The following TMEM31 variants were observed in gnomAD, a reference collection of about 807,000 sequenced individuals.
The protein encoded by TMEM31 is transmembrane protein 31.
Under a neutral mutation model 2.4 loss-of-function variants are expected in TMEM31, and 1 was observed. The observed-to-expected ratio is 0.42, with a 90% confidence interval of 0.15 to 1.97. TMEM31 has a LOEUF of 1.97. Among genes scored for constraint, TMEM31 ranks in the 30% most tolerant of loss-of-function variants. TMEM31 has a pLI of 0.30. For synonymous variants in TMEM31, 47 were observed against 45.8 expected (o/e 1.03, Z -0.10); for missense variants, 119 against 121.3 (o/e 0.98, Z 0.09).
At chrX:103,711,939 C>T (rs1393253716) in intron 1 of TMEM31, among the ~76,000 whole-genome samples, 1 of 111,660 alleles carries the variant, frequency 9.0e-6, no homozygotes, top group East Asian at 2.8e-4. Context: ...GCATTGTTTC[C>T]CATCCCCCAG....
chrX:103,713,488 A>G (rs2074232628), intron 2 of TMEM31, 106 bp from the exon 3 acceptor site: 2 of 1,194,739 alleles, frequency 1.7e-6, no homozygotes, highest in Non-Finnish European at 2.3e-6. Context: ...CCAAAGGAGA[A>G]AGGCAGTGGG....
At chrX:103,712,571 G>A (rs750716130) in intron 2 of TMEM31, among the ~76,000 whole-genome samples, 25 of 111,851 alleles carry the variant, frequency 2.2e-4, no homozygotes, top group Non-Finnish European at 4.1e-4. Flanking sequence ...TTGAGATGGA[G>A]TCTCACTCTG....
chrX:103,711,481 CT>C (rs1362422582), intron 1 of TMEM31, among the ~76,000 whole-genome samples: 10 of 66,671 alleles, frequency 1.5e-4, no homozygotes, highest in Non-Finnish European at 1.9e-4. Context: ...GAGACTCCGT[CT>C]CAAAAAAAAA....
In TMEM31 at chrX:103,713,774, C is replaced by G; in HGVS notation, c.283C>G (p.Pro95Ala). 8.3e-7 allele frequency: 1 copy of G among 1,211,411 alleles called. No homozygotes were observed. The change falls in exon 3 of 3, where the codon CCT (proline) becomes GCT (alanine). Residue 95 changes from proline (P) to alanine (A), a missense_variant. Coordinates refer to ENST00000319560, the MANE Select transcript of TMEM31 (RefSeq NM_182541.2). ...ATTGCCTGCTCTTTTTGAGCTTTAT[C>G]CTGAATTTCTTCTGGTGTTTAAAGA... Reference protein sequence around the residue: ...YRLPALFELYPEFLLVFKEAF... With the variant: ...YRLPALFELYAEFLLVFKEAF...
chrX:103,713,413 A>G (rs2074232370), intron 2 of TMEM31, 181 bp from the exon 3 acceptor site: 3 of 897,852 alleles, frequency 3.3e-6, no homozygotes, highest in South Asian at 4.7e-5. Context: ...CTGATTGCCT[A>G]TCTAGTCCTT....
chrX:103,713,564 T>C, intron 2 of TMEM31, 30 bp from the exon 3 acceptor site: 3 of 1,211,825 alleles, frequency 2.5e-6, no homozygotes, highest in African/African-American at 1.7e-5. Context: ...ATGAATTCTT[T>C]ATGCTGACGA....
chrX:103,713,588 TGGCAGCATACTCCAGCAA>T lies in TMEM31; in HGVS notation c.104_121del (p.His35_Gln40del). ...TTATGCTGACGAGAAACAAAATTTA[TGGCAGCATACTCCAGCAA>T]GGCAGCGAACACAAAGAGCAGACAC... On this transcript the variant is annotated splice_acceptor_variant and splice_polypyrimidine_tract_variant and coding_sequence_variant and intron_variant, in exon 3 of 3. Transcript: ENST00000319560. LOFTEE classifies it high-confidence loss of function. 8.3e-7 allele frequency: 1 copy of T among 1,211,929 alleles called. No homozygotes were observed. The highest frequency in any genetic ancestry group is 1.7e-5 in the African/African-American group (1 of 57,786).
At chrX:103,713,120 T>C (rs1323805513) in intron 2 of TMEM31, among the ~76,000 whole-genome samples, 1 of 110,019 alleles carries the variant, frequency 9.1e-6, no homozygotes, top group Non-Finnish European at 1.9e-5. Context: ...GAAGGAGTTT[T>C]GCTCTTGTTG....
Position 103,713,692 on chromosome X carries a change from G to A in TMEM31, c.201G>A (p.Thr67=), listed in dbSNP as rs750392195. The change falls in exon 3 of 3, where the codon ACG becomes ACA. Residue 67 remains threonine, a synonymous_variant. Coordinates refer to ENST00000319560, the MANE Select transcript of TMEM31 (RefSeq NM_182541.2). ...RRTPTTSSDR[T]INLLEVLPWP... is the part of the protein sequence containing the mutation. ...CACCTACAACATCCAGCGACAGAAC[G>A]ATCAACCTTCTTGAAGTCCTTCCGT... 2.1e-5 allele frequency: 25 copies of A among 1,210,355 alleles called. No individual in the cohort carries two copies. Among genetic ancestry groups the A allele is most frequent in the Non-Finnish European group, 2.8e-5 (25 of 895,385 alleles).
chrX:103,711,526 T>C (rs1330613275), intron 1 of TMEM31, among the ~76,000 whole-genome samples: 2 of 111,496 alleles, frequency 1.8e-5, no homozygotes. Context: ...AGTGTCCTTT[T>C]TTCTTGCCCT....
chrX:103,712,756 C>T (rs1603209384), intron 2 of TMEM31, among the ~76,000 whole-genome samples: 1 of 111,745 alleles, frequency 8.9e-6, no homozygotes, highest in East Asian at 2.8e-4. Context: ...GTCTCGAACT[C>T]CTAACCTTGT....
At chrX:103,711,302 G>T (rs980944389) in intron 1 of TMEM31, among the ~76,000 whole-genome samples, 1 of 110,088 alleles carries the variant, frequency 9.1e-6, no homozygotes, top group Admixed American at 9.6e-5. Flanking sequence ...GGCTAACACG[G>T]TGAAACCCTG....
rs2074234837 is a variant in TMEM31 at position 103,713,907 on chromosome X, T to C, written c.416T>C (p.Phe139Ser). ...ALSTLYFYKF[F>S]LPTILSLSFF... The stretch of plus-strand genomic sequence containing the variant: ...TCCACCCTCTACTTCTACAAGTTTT[T>C]CCTTCCTACAATTCTTTCCCTTTCT... Residue 139 changes from phenylalanine to serine, a missense_variant, in exon 3 of 3, where the codon TTC becomes TCC. Physicochemically the swap from Phe to Ser is radical, Grantham distance 155 (BLOSUM62 -2). Transcript: ENST00000319560. 1 of 1,212,140 alleles carries C rather than the reference T, an allele frequency of 8.2e-7. No homozygotes were observed. Among genetic ancestry groups the C allele is most frequent in the Non-Finnish European group, 1.1e-6 (1 of 895,591 alleles).
rs1291516253 is a variant in TMEM31, at chrX:103,713,917, A to G, written c.426A>G (p.Thr142=). Residue 142 remains threonine (T), a synonymous_variant, in exon 3 of 3, where the codon ACA becomes ACG. Coordinates refer to ENST00000319560, the MANE Select transcript of TMEM31 (RefSeq NM_182541.2). ...ACTTCTACAAGTTTTTCCTTCCTAC[A>G]ATTCTTTCCCTTTCTTTCTTTATTC... The part of the protein sequence containing the change: ...TLYFYKFFLP[T]ILSLSFFILL... The G allele has an allele frequency of 8.3e-7, 1 of 1,210,639 alleles. No individual in the cohort carries two copies.
chrX:103,712,901 C>T (rs903582709), intron 2 of TMEM31, among the ~76,000 whole-genome samples: 3 of 112,057 alleles, frequency 2.7e-5, no homozygotes, highest in Non-Finnish European at 5.6e-5. Flanking sequence ...TATTCTATGT[C>T]AAGCAGTGTG....
rs773732311 is a variant in TMEM31, at chrX:103,713,539, C to T, written c.103-55C>T. On this transcript the variant is annotated intron_variant, in intron 2 of 2. Coordinates refer to ENST00000319560, the MANE Select transcript of TMEM31 (RefSeq NM_182541.2). ...ACTCACCAAGCGTTGGCGCCTCTGC[C>T]TTCTTCGAAGTCGTATGAATTCTTT... The T allele has an allele frequency of 3.3e-6, 4 of 1,209,847 alleles. No individual in the cohort carries two copies. The African/African-American group carries it at 7.0e-5, about 21-fold the overall frequency.
chrX:103,711,501 GA>G (rs1286104998), intron 1 of TMEM31, among the ~76,000 whole-genome samples: 1 of 100,401 alleles, frequency 1.0e-5, no homozygotes, highest in Non-Finnish European at 2.0e-5. Context: ...AAAAAAAAAA[GA>G]AAAAAGAAAA....
In TMEM31 at chrX:103,713,693, A is replaced by G; in HGVS notation, c.202A>G (p.Ile68Val). ...RTPTTSSDRTINLLEVLPWPT... is the reference protein window; with the variant it reads ...RTPTTSSDRTVNLLEVLPWPT... ...ACCTACAACATCCAGCGACAGAACG[A>G]TCAACCTTCTTGAAGTCCTTCCGTG... Residue 68 changes from isoleucine to valine, a missense_variant, in exon 3 of 3, where the codon ATC becomes GTC. Ile to Val is a conservative substitution (Grantham distance 29, BLOSUM62 3). Transcript: ENST00000319560. The G allele has an allele frequency of 8.3e-7, 1 of 1,211,996 alleles. No homozygotes were observed.
chrX:103,711,555 A>G (rs1287326397), intron 1 of TMEM31, among the ~76,000 whole-genome samples: 1 of 111,468 alleles, frequency 9.0e-6, no homozygotes, highest in Non-Finnish European at 1.9e-5. Flanking sequence ...GTGTATACAC[A>G]TATTTTTCTA....
Sources: gnomAD v4.1 joint callset for allele counts (sites outside exome capture counted in the v4.1 genomes callset) on GRCh38, gnomAD v4.1.1 for gene constraint, MANE v1.5 for transcripts, NCBI Gene and HGNC (gene_info 2026-07-23, HGNC 2026-07-21) for gene names.